The following MAPK8 variants were observed in gnomAD, a reference collection of about 807,000 sequenced individuals.
MAPK8 encodes the protein mitogen-activated protein kinase 8.
MAPK8 carries 13 observed loss-of-function variants against 52.9 expected under a neutral mutation model. That is an observed-to-expected ratio of 0.25 (90% CI 0.16 to 0.39). The LOEUF (loss-of-function observed/expected upper bound fraction) is 0.39. Ranked by LOEUF, MAPK8 falls within the 10% of genes least tolerant of loss-of-function variation. MAPK8 has a pLI of 1.00. For synonymous variants in MAPK8, 191 were observed against 169.8 expected (o/e 1.12, Z -0.97); for missense variants, 300 against 519.2 (o/e 0.58, Z 4.10).
chr10:48,409,528 G>C (rs1282756140), intron 3 of MAPK8, among the ~76,000 whole-genome samples: 1 of 152,206 alleles, frequency 6.6e-6, no homozygotes, highest in African/African-American at 2.4e-5. Context: ...GGAAAGGGCT[G>C]AGATTATATA....
At chr10:48,381,783 A>G (rs1022283022) in intron 1 of MAPK8, among the ~76,000 whole-genome samples, 6 of 151,386 alleles carry the variant, frequency 4.0e-5, no homozygotes, top group Non-Finnish European at 2.9e-5. Flanking sequence ...CAAACATTTT[A>G]TGATTATCTA....
At chr10:48,422,010 T>TTTATTTATC (rs1491569887) in intron 6 of MAPK8, among the ~76,000 whole-genome samples, 1 of 63,016 alleles carries the variant, frequency 1.6e-5, no homozygotes, top group African/African-American at 3.9e-5. Flanking sequence ...ATTTATCTTA[T>TTTATTTATC]TTATTTATTT....
At chr10:48,402,821 T>A (rs1001514222) in intron 2 of MAPK8, among the ~76,000 whole-genome samples, 1 of 152,094 alleles carries the variant, frequency 6.6e-6, no homozygotes, top group Non-Finnish European at 1.5e-5. Context: ...CAGCAAAAAT[T>A]GGAAATAGCA....
chr10:48,362,118 A>T (rs575915874), intron 1 of MAPK8, among the ~76,000 whole-genome samples: 2 of 152,126 alleles, frequency 1.3e-5, no homozygotes, highest in African/African-American at 4.8e-5. Context: ...CCTGCAGTGG[A>T]TCCTTTATGA....
intron 1 of MAPK8, among the ~76,000 whole-genome samples, chr10:48,400,897 C>T (rs2042125558): frequency 6.6e-6 from 1 of 152,158 alleles, no homozygotes; most frequent in African/African-American, 2.4e-5. Flanking sequence ...GAATGGTAGT[C>T]AGAAGTTGAA....
At chr10:48,382,975 A>G (rs1446633146) in intron 1 of MAPK8, among the ~76,000 whole-genome samples, 1 of 148,694 alleles carries the variant, frequency 6.7e-6, no homozygotes, top group Non-Finnish European at 1.5e-5. Context: ...GATAGCCTGA[A>G]TGTCAGCTTT....
intron 1 of MAPK8, among the ~76,000 whole-genome samples, chr10:48,311,576 G>T (rs1252923070): frequency 6.6e-6 from 1 of 152,168 alleles, no homozygotes; most frequent in Non-Finnish European, 1.5e-5. Context: ...TTTATCATGT[G>T]ACACATTTGA....
chr10:48,343,261 C>T (rs1249424199), intron 1 of MAPK8, among the ~76,000 whole-genome samples: 1 of 152,178 alleles, frequency 6.6e-6, no homozygotes, highest in Non-Finnish European at 1.5e-5. Context: ...TGTTCCTTTC[C>T]TCTTCCAGCT....
intron 1 of MAPK8, among the ~76,000 whole-genome samples, chr10:48,310,677 C>T (rs1025747675): frequency 3.9e-5 from 6 of 152,094 alleles, no homozygotes; most frequent in South Asian, 4.2e-4. Flanking sequence ...AAACAAAAGC[C>T]CACTTCACAT....
chr10:48,431,119 A>C, intron 10 of MAPK8, 74 bp from the exon 11 acceptor site: 1 of 898,522 alleles, frequency 1.1e-6, no homozygotes, highest in Admixed American at 2.0e-5. Flanking sequence ...AAAAATTTCC[A>C]CTTAAACCAT....
intron 11 of MAPK8, among the ~76,000 whole-genome samples, chr10:48,432,945 G>A (rs2044459972): frequency 6.6e-6 from 1 of 152,120 alleles, no homozygotes; most frequent in Non-Finnish European, 1.5e-5. Context: ...GTAGTGTTTG[G>A]TAAATCAAAA....
chr10:48,432,156 TAAAGAGTGAGTAGTATTTCA>T (rs1388285018), intron 11 of MAPK8, among the ~76,000 whole-genome samples: 1 of 152,196 alleles, frequency 6.6e-6, no homozygotes, highest in Non-Finnish European at 1.5e-5. Context: ...AGCTGAGCCT[TAAAGAGTGAGTAGTATTTCA>T]AAAGATCTTG....
At chr10:48,340,149 C>A (rs1451506812) in intron 1 of MAPK8, among the ~76,000 whole-genome samples, 1 of 152,094 alleles carries the variant, frequency 6.6e-6, no homozygotes, top group Non-Finnish European at 1.5e-5. Flanking sequence ...GGCACAGAAT[C>A]AAGTGTTCAT....
chr10:48,351,806 A>G (rs1846361796), intron 1 of MAPK8, among the ~76,000 whole-genome samples: 1 of 152,136 alleles, frequency 6.6e-6, no homozygotes, highest in African/African-American at 2.4e-5. Context: ...TTCGGATTTC[A>G]GATTTTTTCA....
intron 1 of MAPK8, among the ~76,000 whole-genome samples, chr10:48,367,995 A>G (rs1255510550): frequency 1.3e-5 from 2 of 152,168 alleles, no homozygotes; most frequent in Non-Finnish European, 2.9e-5. Context: ...GCTACAGGAG[A>G]TAATGGGTGG....
At position 48,404,859 on chromosome 10, in the gene MAPK8, T is replaced by C. The variant is rs1467645843; in HGVS notation, c.130T>C (p.Tyr44His). 1 of 1,595,980 alleles carries C rather than the reference T, an allele frequency of 6.3e-7. No homozygotes were observed. The highest frequency in any genetic ancestry group is 2.2e-5 in the East Asian group (1 of 44,474). Residue 44 changes from tyrosine (Y) to histidine (H), a missense_variant, in exon 3 of 12, where the codon TAT (tyrosine) becomes CAT (histidine). Around this residue, in one of 3 missense-constraint regions of MAPK8, gnomAD observed 147 missense variants for 328.1 expected, o/e 0.45. Coordinates refer to ENST00000374189, the MANE Select transcript of MAPK8 (RefSeq NM_001323329.2). ...SGAQGIVCAA[Y>H]DAILERNVAI... ...TTGAATTTCTTATTACAGCGCAGCT[T>C]ATGATGCCATTCTTGAAAGAAATGT... is the stretch of plus-strand genomic sequence containing the variant.
chr10:48,420,345 T>A (rs1476523280), intron 6 of MAPK8, 25 bp downstream of exon 6: 1 of 1,538,164 alleles, frequency 6.5e-7, no homozygotes, highest in South Asian at 1.3e-5. Flanking sequence ...TTATTTGAAA[T>A]ATTTTTCTGA....
At chr10:48,309,818 A>G (rs1281965590) in intron 1 of MAPK8, among the ~76,000 whole-genome samples, 1 of 152,214 alleles carries the variant, frequency 6.6e-6, no homozygotes, top group Non-Finnish European at 1.5e-5. Flanking sequence ...TTAGGATTCC[A>G]GTGCTCTAGA....
At chr10:48,412,068 A>C (rs1238486261) in intron 5 of MAPK8, among the ~76,000 whole-genome samples, 2 of 152,086 alleles carry the variant, frequency 1.3e-5, no homozygotes, top group African/African-American at 2.4e-5. Flanking sequence ...CTGGTCTCGA[A>C]CCCCTGACCT....
Sources: gnomAD v4.1 joint callset for allele counts (sites outside exome capture counted in the v4.1 genomes callset) on GRCh38, gnomAD v4.1.1 for gene constraint, gnomAD v4.1.1 regional missense constraint, MANE v1.5 for transcripts, NCBI Gene and HGNC (gene_info 2026-07-23, HGNC 2026-07-21) for gene names.